Variants in DNAH12 observed in about 807,000 individuals in gnomAD.
The protein encoded by DNAH12 is axonemal beta dynein heavy chain 12.
DNAH12 carries 285 observed loss-of-function variants against 371.5 expected under a neutral mutation model. The observed-to-expected ratio is 0.77, with a 90% confidence interval of 0.70 to 0.85. DNAH12 has a LOEUF of 0.85. Among genes scored for constraint, DNAH12 ranks in the 40% least tolerant of loss-of-function variants. DNAH12 has a pLI of 0.00. For synonymous variants in DNAH12, 1,200 were observed against 1,213.0 expected, an observed-to-expected ratio of 0.99 and a Z score of 0.22; for missense variants, 3,611 against 3,689.4, an observed-to-expected ratio of 0.98 and a Z score of 0.55.
At chr3:57,499,647 A>AATATATAT (rs1176721728) in intron 11 of DNAH12, among the ~76,000 whole-genome samples, 15 of 17,958 alleles carry the variant, frequency 8.4e-4, no homozygotes, top group Admixed American at 1.6e-3. Flanking sequence ...AAAAAAAAAA[A>AATATATAT]ATATATATAT....
intron 13 of DNAH12, among the ~76,000 whole-genome samples, chr3:57,480,355 C>T (rs943600061): frequency 7.9e-5 from 12 of 152,068 alleles, no homozygotes; most frequent in Non-Finnish European, 1.8e-4. Flanking sequence ...CATACACCCT[C>T]CCAAGACCAA....
At chr3:57,365,948 G>A (rs1412634455) in intron 57 of DNAH12, among the ~76,000 whole-genome samples, 6 of 151,874 alleles carry the variant, frequency 4.0e-5, no homozygotes, top group Non-Finnish European at 7.4e-5. Flanking sequence ...TCAGGTACAA[G>A]TCAGAAGTCA....
At chr3:57,535,812 G>T (rs1433531143) in intron 2 of DNAH12, among the ~76,000 whole-genome samples, 2 of 149,846 alleles carry the variant, frequency 1.3e-5, no homozygotes, top group Non-Finnish European at 3.0e-5. Flanking sequence ...AAAGTGCTGG[G>T]ATTACAGGCG....
At chr3:57,454,480 CAA>C (rs5849208) in intron 23 of DNAH12, among the ~76,000 whole-genome samples, 26 of 122,132 alleles carry the variant, frequency 2.1e-4, no homozygotes, top group African/African-American at 5.4e-4. Flanking sequence ...AACTACATCT[CAA>C]AAAAAAAAAA....
At chr3:57,321,723 C>T (rs2061809133) in intron 65 of DNAH12, among the ~76,000 whole-genome samples, 1 of 152,070 alleles carries the variant, frequency 6.6e-6, no homozygotes, top group Admixed American at 6.6e-5. Context: ...CTATATCTTC[C>T]AATCTAGCCT....
At chr3:57,529,260 G>A (rs1255793178) in intron 2 of DNAH12, among the ~76,000 whole-genome samples, 1 of 152,100 alleles carries the variant, frequency 6.6e-6, no homozygotes, top group African/African-American at 2.4e-5. Flanking sequence ...CAAAAAATGA[G>A]TTTGGAAGTA....
At chr3:57,406,755 C>A (rs1381376445) in intron 40 of DNAH12, among the ~76,000 whole-genome samples, 1 of 152,054 alleles carries the variant, frequency 6.6e-6, no homozygotes, top group Non-Finnish European at 1.5e-5. Flanking sequence ...TTCCCTCACC[C>A]CCCTTCTTCT....
chr3:57,531,304 G>T (rs988046715), intron 2 of DNAH12, among the ~76,000 whole-genome samples: 1 of 152,060 alleles, frequency 6.6e-6, no homozygotes, highest in Non-Finnish European at 1.5e-5. Context: ...GTAGTCTAAG[G>T]TTCCTTCAGC....
rs189105096 is a variant in DNAH12, at chr3:57,311,026, C to G, written c.10663-76G>C. 2.9e-6 allele frequency: 3 copies of G among 1,043,938 alleles called. No individual in the cohort carries two copies. In the African/African-American group the frequency reaches 4.8e-5, roughly 17 times the overall value. 64.7% of individuals were successfully genotyped at this position (1,043,938 alleles called of 1,614,324 possible). On this transcript the variant is annotated intron_variant, in intron 66 of 73. Coordinates refer to ENST00000495027, the MANE Select transcript of DNAH12 (RefSeq NM_001366028.2). ...ATTTCCATTTTAAGTATGTATCTAT[C>G]TATCTAGAAAGGGGGTTGAAAGAAT...
chr3:57,314,423 C>T, intron 66 of DNAH12, 71 bp downstream of exon 66: 1 of 1,534,716 alleles, frequency 6.5e-7, no homozygotes, highest in African/African-American at 1.4e-5. Flanking sequence ...TCAGCTATTC[C>T]AAGCAAAAGA....
chr3:57,547,436 G>A (rs986717915), upstream of DNAH12, among the ~76,000 whole-genome samples: 2 of 151,942 alleles, frequency 1.3e-5, no homozygotes, highest in Admixed American at 1.3e-4. Context: ...AGGATTACAG[G>A]TGTGAGCCAC....
chr3:57,323,982 A>G (rs1559553590), intron 62 of DNAH12, among the ~76,000 whole-genome samples: 1 of 152,190 alleles, frequency 6.6e-6, no homozygotes, highest in African/African-American at 2.4e-5. Flanking sequence ...CTTGCAGGTA[A>G]TGTGGCCATG....
chr3:57,478,615 G>A (rs568866614), intron 13 of DNAH12, among the ~76,000 whole-genome samples: 18 of 151,944 alleles, frequency 1.2e-4, no homozygotes, highest in South Asian at 8.4e-4. Flanking sequence ...TCCAAGAAAC[G>A]TAATTGTCAG....
At position 57,352,234 on chromosome 3, in the gene DNAH12, A is replaced by G. The variant is rs1553660695; in HGVS notation, c.9534-9T>C. On this transcript the variant is annotated splice_polypyrimidine_tract_variant and intron_variant, in intron 59 of 73. Transcript: ENST00000495027. ...AAATCTTGGATTTGTTACTAAAGTT[A>G]AAAAGAAGGAAAACGTATTGTCAAA... 1.3e-6 allele frequency: 2 copies of G among 1,528,848 alleles called. No homozygotes were observed. The highest frequency in any genetic ancestry group is 1.8e-6 in the Non-Finnish European group (2 of 1,141,930). 94.7% of individuals were successfully genotyped at this position (1,528,848 alleles called of 1,614,324 possible).
At chr3:57,419,073 A>G (rs148567941) in intron 37 of DNAH12, among the ~76,000 whole-genome samples, 1 of 152,232 alleles carries the variant, frequency 6.6e-6, no homozygotes, top group African/African-American at 2.4e-5. Context: ...ATTAGACTGC[A>G]TACCTTTTTA....
intron 13 of DNAH12, among the ~76,000 whole-genome samples, chr3:57,477,449 A>G (rs1412692585): frequency 3.3e-5 from 5 of 152,188 alleles, no homozygotes; most frequent in Admixed American, 6.5e-5. Context: ...GGTGGAGTGC[A>G]CGGCAGCTCA....
rs1409626573 is a variant in DNAH12, at chr3:57,361,444, C to CACTATATATA, written c.9360+2149_9360+2150insTATATATAGT. ...CACTATATATATATACACACACACA[C>CACTATATATA]TATATATATATATATATATATATAT... On this transcript the variant is annotated intron_variant, in intron 58 of 73. Transcript: ENST00000495027. Among the ~76,000 whole-genome samples the CACTATATATA allele has an allele frequency of 1.7e-3, 199 of 116,678 alleles. 3 individuals carry two copies. The highest frequency in any genetic ancestry group is 2.7e-3 in the South Asian group (10 of 3,732). The allele number at this position is 116,678 out of a possible 152,430, so 76.5% of individuals were successfully genotyped here.
rs185025153 is a variant in DNAH12 at position 57,467,048 on chromosome 3, C to T, written c.2349+1688G>A. On this transcript the variant is annotated intron_variant, in intron 17 of 73. Coordinates refer to ENST00000495027, the MANE Select transcript of DNAH12 (RefSeq NM_001366028.2). The stretch of plus-strand genomic sequence containing the variant: ...GGGATTACAGGTTACAGGTGTCATC[C>T]GCTATACCCAGCCTGCTTCCAAACC... 7.4e-4 allele frequency among the ~76,000 whole-genome samples: 113 copies of T among 152,206 alleles called. No homozygotes were observed. In the Middle Eastern group the frequency reaches 0.027, roughly 37 times the overall value.
chr3:57,404,904 T>G (rs2063978508), intron 42 of DNAH12, 65 bp downstream of exon 42: 4 of 1,376,596 alleles, frequency 2.9e-6, no homozygotes. Context: ...TTTGGTACAT[T>G]TCAAACATTT....
Sources: gnomAD v4.1 joint callset for allele counts (sites outside exome capture counted in the v4.1 genomes callset) on GRCh38, gnomAD v4.1.1 for gene constraint, MANE v1.5 for transcripts, NCBI Gene and HGNC (gene_info 2026-07-23, HGNC 2026-07-21) for gene names.